Variants in ARID4B observed in about 807,000 individuals in gnomAD.
ARID4B encodes the protein AT-rich interactive domain-containing protein 4B.
ARID4B carries 26 observed loss-of-function variants against 147.5 expected under a neutral mutation model. The observed-to-expected ratio is 0.18, with a 90% CI of 0.13 to 0.24. The LOEUF (loss-of-function observed/expected upper bound fraction) is 0.24. Ranked by LOEUF, ARID4B falls within the 10% of genes least tolerant of loss-of-function variation. The probability of loss-of-function intolerance (pLI) is 1.00; values close to 1 mark genes in which losing one functional copy is unlikely to be tolerated. For missense variants in ARID4B, 1,179 were observed against 1,511.5 expected (o/e 0.78, Z 3.65); for synonymous variants, 512 against 507.9 (o/e 1.01, Z -0.11).
At chr1:235,274,565 T>C (rs1671197569) in intron 2 of ARID4B, among the ~76,000 whole-genome samples, 2 of 152,166 alleles carry the variant, frequency 1.3e-5, no homozygotes. Flanking sequence ...ATATACCTTT[T>C]GAATTTAGTG....
intron 2 of ARID4B, among the ~76,000 whole-genome samples, chr1:235,320,292 G>GCTC (rs1674735578): frequency 6.6e-6 from 1 of 152,130 alleles, no homozygotes; most frequent in Non-Finnish European, 1.5e-5. Context: ...GCAACAGAGA[G>GCTC]AGGCTCCGTC....
chr1:235,217,799 T>A (rs2103017880), intron 16 of ARID4B, among the ~76,000 whole-genome samples: 1 of 152,228 alleles, frequency 6.6e-6, no homozygotes, highest in African/African-American at 2.4e-5. Flanking sequence ...CACTGTAAAA[T>A]TTTCCACTGC....
intron 16 of ARID4B, among the ~76,000 whole-genome samples, chr1:235,214,756 TCCAAAGAAATAGA>T (rs2103010146): frequency 7.4e-6 from 1 of 135,744 alleles, no homozygotes; most frequent in East Asian, 2.1e-4. Flanking sequence ...ACTTTGATGT[TCCAAAGAAATAGA>T]CAGATGAGAG....
intron 2 of ARID4B, among the ~76,000 whole-genome samples, chr1:235,302,281 A>G (rs1276484628): frequency 1.7e-4 from 20 of 119,992 alleles, no homozygotes; most frequent in East Asian, 2.5e-4. Flanking sequence ...GGAGGGGAGG[A>G]AGGAAGGAAG....
chr1:235,300,632 T>G (rs1352647584), intron 2 of ARID4B, among the ~76,000 whole-genome samples: 1 of 152,018 alleles, frequency 6.6e-6, no homozygotes, highest in Admixed American at 6.6e-5. Context: ...CATTTTTAAT[T>G]ATTATTATTA....
In ARID4B at chr1:235,309,626, G is replaced by A. The variant is rs1269371865; in HGVS notation, c.6+17288C>T. 4.6e-5 allele frequency among the ~76,000 whole-genome samples: 7 copies of A among 150,704 alleles called. 1 individual carries two copies. Among genetic ancestry groups the A allele is most frequent in the Non-Finnish European group, 1.5e-5 (1 of 67,500 alleles). ...CGCCTCTGCCCGGCCACCCCTACTG[G>A]GAAGTGAGGAGCCCCTCTGCCCGGC... On this transcript the variant is annotated intron_variant, in intron 2 of 23. Coordinates refer to ENST00000264183, the MANE Select transcript of ARID4B (RefSeq NM_016374.6).
intron 17 of ARID4B, among the ~76,000 whole-genome samples, chr1:235,205,476 A>G (rs1345900067): frequency 6.6e-6 from 1 of 152,232 alleles, no homozygotes; most frequent in Non-Finnish European, 1.5e-5. Flanking sequence ...ATGAACTCAG[A>G]TTAGAACAAC....
At chr1:235,301,270 G>A (rs934004908) in intron 2 of ARID4B, among the ~76,000 whole-genome samples, 1 of 151,670 alleles carries the variant, frequency 6.6e-6, no homozygotes, top group Non-Finnish European at 1.5e-5. Flanking sequence ...CAGTGTGGTG[G>A]CTCACGCCTG....
intron 2 of ARID4B, among the ~76,000 whole-genome samples, chr1:235,315,973 A>G (rs1419881316): frequency 6.6e-6 from 1 of 152,154 alleles, no homozygotes; most frequent in East Asian, 1.9e-4. Context: ...CAAGCCTAGG[A>G]GTTCGAGACC....
intron 6 of ARID4B, among the ~76,000 whole-genome samples, chr1:235,248,273 C>T (rs1669426973): frequency 1.3e-5 from 2 of 152,112 alleles, no homozygotes; most frequent in South Asian, 4.1e-4. Context: ...TGGTCTCGAA[C>T]TCCTGGGCTC....
rs370264947 is a variant in ARID4B at position 235,175,174 on chromosome 1, T to G, written c.3664+10A>C. 53 of 1,605,400 alleles carry G rather than the reference T, an allele frequency of 3.3e-5. No homozygotes were observed. The highest frequency in any genetic ancestry group is 2.1e-4 in the South Asian group (19 of 90,736). On this transcript the variant is annotated intron_variant, in intron 22 of 23. Coordinates refer to ENST00000264183, the MANE Select transcript of ARID4B (RefSeq NM_016374.6). Reference sequence around the variant, plus strand: ...AGTTTGTATGCTTGTCAATTTAACATGTCACTTACACATCTGAAAACTCCA... The same window carrying G: ...AGTTTGTATGCTTGTCAATTTAACAGGTCACTTACACATCTGAAAACTCCA...
At chr1:235,290,717 G>A (rs1220136959) in intron 2 of ARID4B, among the ~76,000 whole-genome samples, 1 of 152,250 alleles carries the variant, frequency 6.6e-6, no homozygotes, top group African/African-American at 2.4e-5. Flanking sequence ...TGAAAGACCA[G>A]AGACGGGGAG....
chr1:235,172,560 A>G (rs1358787860), intron 23 of ARID4B, 58 bp downstream of exon 23: 1 of 1,260,620 alleles, frequency 7.9e-7, no homozygotes, highest in Non-Finnish European at 1.1e-6. Flanking sequence ...CCTGGCGACA[A>G]GAGTGAAACT....
intron 11 of ARID4B, chr1:235,228,185 T>C (rs1167834005): frequency 6.6e-6 from 1 of 152,038 alleles, no homozygotes; most frequent in Non-Finnish European, 1.5e-5. Context: ...TTTATACTTT[T>C]CTGGGTTAAT....
intron 17 of ARID4B, among the ~76,000 whole-genome samples, chr1:235,209,901 T>A (rs568906168): frequency 1.3e-5 from 2 of 152,240 alleles, no homozygotes; most frequent in South Asian, 2.1e-4. Flanking sequence ...ACAGACACTC[T>A]TACATTATTT....
At chr1:235,240,777 A>T (rs912851205) in intron 7 of ARID4B, among the ~76,000 whole-genome samples, 1 of 152,172 alleles carries the variant, frequency 6.6e-6, no homozygotes, top group Non-Finnish European at 1.5e-5. Flanking sequence ...TTACACTAAA[A>T]TATACACAAT....
intron 2 of ARID4B, among the ~76,000 whole-genome samples, chr1:235,319,487 G>C (rs1674673908): frequency 6.6e-6 from 1 of 152,174 alleles, no homozygotes; most frequent in Non-Finnish European, 1.5e-5. Context: ...CTCCTGCCTG[G>C]GCAACAGACT....
At chr1:235,225,866 C>G (rs905464846) in intron 11 of ARID4B, among the ~76,000 whole-genome samples, 1 of 151,918 alleles carries the variant, frequency 6.6e-6, no homozygotes, top group East Asian at 1.9e-4. Context: ...CTATGTTGAT[C>G]AACTATTAGG....
intron 17 of ARID4B, among the ~76,000 whole-genome samples, chr1:235,205,665 A>G (rs1666260134): frequency 6.6e-6 from 1 of 152,220 alleles, no homozygotes; most frequent in South Asian, 2.1e-4. Flanking sequence ...ATGAAGAACT[A>G]TAATTCAACA....
Sources: gnomAD v4.1 joint callset for allele counts (sites outside exome capture counted in the v4.1 genomes callset) on GRCh38, gnomAD v4.1.1 for gene constraint, MANE v1.5 for transcripts, NCBI Gene and HGNC (gene_info 2026-07-23, HGNC 2026-07-21) for gene names.